Variants in UNK observed in about 807,000 individuals in gnomAD.
UNK encodes the protein unk zinc finger.
UNK carries 32 observed loss-of-function variants against 97.6 expected under a neutral mutation model. That is an observed-to-expected ratio of 0.33 (90% CI 0.25 to 0.44). UNK has a LOEUF of 0.44. Among genes scored for constraint, UNK ranks in the 20% least tolerant of loss-of-function variants. The probability of loss-of-function intolerance (pLI) is 1.00; values close to 1 mark genes in which losing one functional copy is unlikely to be tolerated. For missense variants in UNK, 771 were observed against 1,098.4 expected (o/e 0.70, Z 4.21); for synonymous variants, 441 against 461.2 (o/e 0.96, Z 0.56).
At chr17:75,809,656 C>G (rs1486331402) in intron 1 of UNK, 104 bp from the exon 2 acceptor site, 2 of 1,277,194 alleles carry the variant, frequency 1.6e-6, no homozygotes, top group African/African-American at 1.5e-5. Flanking sequence ...GAACTAGCAC[C>G]CCAGAGCAGG....
intron 1 of UNK, among the ~76,000 whole-genome samples, 175 bp from the exon 2 acceptor site, chr17:75,809,585 G>C (rs2061949935): frequency 6.6e-6 from 1 of 152,212 alleles, no homozygotes; most frequent in East Asian, 1.9e-4. Flanking sequence ...TGGGGTGTTG[G>C]TTTGGATCCT....
chr17:75,795,927 G>A (rs909030237), intron 1 of UNK, among the ~76,000 whole-genome samples: 3 of 152,164 alleles, frequency 2.0e-5, no homozygotes, highest in Non-Finnish European at 4.4e-5. Flanking sequence ...TGAAAAGTGG[G>A]CTGAAATAAT....
rs113278239 is a variant in UNK at position 75,818,151 on chromosome 17, C to G, written c.1354C>G (p.Leu452Val). Residue 452 changes from leucine (L) to valine (V), a missense_variant, in exon 10 of 16, where the codon CTG becomes GTG. Coordinates refer to ENST00000589666, the MANE Select transcript of UNK (RefSeq NM_001080419.3). The surrounding 1 kb of genome is among the most constrained non-coding windows in gnomAD (Gnocchi z 5.1). ...SLEPRSQEQPLLQPKQDMLGI... is the reference protein window; with the variant it reads ...SLEPRSQEQPVLQPKQDMLGI... Reference sequence around the variant, plus strand: ...AGAGCCCAGGAGTCAAGAGCAGCCTCTGCTTCAGCCCAAACAGGTATAGAG... The same window carrying G: ...AGAGCCCAGGAGTCAAGAGCAGCCTGTGCTTCAGCCCAAACAGGTATAGAG... 6 of 1,613,534 alleles carry G rather than the reference C, an allele frequency of 3.7e-6. No homozygotes were observed. In the South Asian group the frequency reaches 6.6e-5, roughly 18 times the overall value.
chr17:75,808,469 A>G (rs1398783407), intron 1 of UNK, among the ~76,000 whole-genome samples: 1 of 151,946 alleles, frequency 6.6e-6, no homozygotes, highest in Non-Finnish European at 1.5e-5. Flanking sequence ...ACGCACATCC[A>G]CGAAGGTACT....
intron 1 of UNK, among the ~76,000 whole-genome samples, chr17:75,787,944 T>C (rs763182173): frequency 1.8e-4 from 27 of 151,952 alleles, no homozygotes; most frequent in Non-Finnish European, 2.6e-4. Context: ...CATACCACCA[T>C]ACCTGCTTCC....
intron 1 of UNK, among the ~76,000 whole-genome samples, chr17:75,788,702 G>A (rs1487553408): frequency 6.8e-6 from 1 of 148,006 alleles, no homozygotes; most frequent in Non-Finnish European, 1.5e-5. Context: ...TTGTCACCCA[G>A]GTTGGTTGGA....
At position 75,812,534 on chromosome 17, in the gene UNK, G is replaced by C; in HGVS notation, c.571G>C (p.Ala191Pro). The change falls in exon 4 of 16, where the codon GCG (alanine) becomes CCG (proline). Residue 191 changes from alanine (A) to proline (P), a missense_variant. By Grantham distance (27) the Ala-to-Pro change is conservative. Around this residue, in one of 5 missense-constraint regions of UNK, gnomAD observed 246 missense variants for 440.7 expected, o/e 0.56. Coordinates refer to ENST00000589666, the MANE Select transcript of UNK (RefSeq NM_001080419.3). ...GSIEGQSAGA[A>P]SHAMIEKILS... ...CATAGAGGGCCAGTCGGCTGGGGCT[G>C]CGAGCCATGCCATGATAGAAAAGAT... The C allele has an allele frequency of 6.2e-7, 1 of 1,612,948 alleles. No homozygotes were observed. The highest frequency in any genetic ancestry group is 8.5e-7 in the Non-Finnish European group (1 of 1,179,826).
At chr17:75,792,582 T>G in intron 1 of UNK, 8 of 701,968 alleles carry the variant, frequency 1.1e-5, no homozygotes, top group Non-Finnish European at 1.4e-5. Context: ...CAATGTAGCT[T>G]CTTGTTTTCT....
At chr17:75,793,083 A>G (rs905455546) in intron 1 of UNK, among the ~76,000 whole-genome samples, 2 of 152,214 alleles carry the variant, frequency 1.3e-5, no homozygotes, top group Non-Finnish European at 2.9e-5. Context: ...TATTCAGAAA[A>G]CAAGTTTGAG....
At chr17:75,809,434 T>C (rs1402694512) in intron 1 of UNK, among the ~76,000 whole-genome samples, 1 of 152,194 alleles carries the variant, frequency 6.6e-6, no homozygotes, top group Non-Finnish European at 1.5e-5. Flanking sequence ...TGCCTGTGAT[T>C]AGTGGTTTGG....
At chr17:75,790,284 C>T (rs751750452) in intron 1 of UNK, among the ~76,000 whole-genome samples, 1 of 151,668 alleles carries the variant, frequency 6.6e-6, no homozygotes, top group Non-Finnish European at 1.5e-5. Context: ...ACAACAGAGC[C>T]AGACTCCATC....
In UNK at chr17:75,820,091, C is replaced by G. The variant is rs2062053464; in HGVS notation, c.1820C>G (p.Ala607Gly). 1 of 1,611,656 alleles carries G rather than the reference C, an allele frequency of 6.2e-7. No homozygotes were observed. The highest frequency in any genetic ancestry group is 1.3e-5 in the African/African-American group (1 of 74,932). Residue 607 changes from alanine (A) to glycine (G), a missense_variant, in exon 13 of 16, where the codon GCA becomes GGA. Around this residue, in one of 5 missense-constraint regions of UNK, gnomAD observed 91 missense variants for 173.1 expected, o/e 0.53. Transcript: ENST00000589666. ...QSENTFLGTSASHGSLGLNGM... is the reference protein window; with the variant it reads ...QSENTFLGTSGSHGSLGLNGM... ...GAAAACACATTTTTGGGAACCTCAG[C>G]ATCACATGGATCTTTGGGTAAGAGA...
intron 1 of UNK, among the ~76,000 whole-genome samples, chr17:75,805,810 A>ATTGTG (rs368975341): frequency 2.1e-5 from 3 of 145,294 alleles, no homozygotes; most frequent in East Asian, 2.1e-4. Context: ...AAAAAGAAAA[A>ATTGTG]TGTGTGTGTG....
chr17:75,790,091 C>T (rs2061750212), intron 1 of UNK, among the ~76,000 whole-genome samples: 1 of 152,024 alleles, frequency 6.6e-6, no homozygotes, highest in South Asian at 2.1e-4. Context: ...TGCAGTGAGC[C>T]GAGATCGCGC....
chr17:75,794,830 G>C (rs2061791787), intron 1 of UNK, among the ~76,000 whole-genome samples: 1 of 152,142 alleles, frequency 6.6e-6, no homozygotes, highest in Non-Finnish European at 1.5e-5. Flanking sequence ...GTTGTTATAA[G>C]GGTGAAATAA....
rs1371175531 is a variant in UNK, at chr17:75,824,541, T to C, written c.*124T>C. 2 of 752,696 alleles carry C rather than the reference T, an allele frequency of 2.7e-6. No individual in the cohort carries two copies. The highest frequency in any genetic ancestry group is 3.4e-6 in the Non-Finnish European group (2 of 584,506). The allele number at this position is 752,696 out of a possible 1,614,324, so 46.6% of individuals were successfully genotyped here. A position where few individuals can be genotyped will look rare whatever the true frequency, so the allele number is the denominator to read the frequency against. On this transcript the variant is annotated 3_prime_UTR_variant, in exon 16 of 16. Coordinates refer to ENST00000589666, the MANE Select transcript of UNK (RefSeq NM_001080419.3). The surrounding 1 kb of genome is among the most constrained non-coding windows in gnomAD (Gnocchi z 4.9). The stretch of plus-strand genomic sequence containing the variant: ...ATGTATATGTATATGATTATGTATA[T>C]GTATACATTTCCGTATGTATGTATA...
chr17:75,792,970 G>A (rs1314554753), intron 1 of UNK, among the ~76,000 whole-genome samples: 1 of 152,228 alleles, frequency 6.6e-6, no homozygotes, highest in African/African-American at 2.4e-5. Context: ...GCTCCTTGGT[G>A]CCCTTTTCCC....
In UNK at chr17:75,817,300, C is replaced by A; in HGVS notation, c.1105-26C>A. On this transcript the variant is annotated intron_variant, in intron 8 of 15. Transcript: ENST00000589666. This position sits in a 1 kb window ranked among gnomAD's most constrained non-coding sequence, Gnocchi z 5.8. ...ACCAGCCTGCGCTGTGCCCACGGGCCCACTCCCTCCCCTCCTTCTCCGCAG... is the reference window on the plus strand; with the variant it reads ...ACCAGCCTGCGCTGTGCCCACGGGCACACTCCCTCCCCTCCTTCTCCGCAG... The A allele has an allele frequency of 6.5e-7, 1 of 1,542,864 alleles. No individual in the cohort carries two copies. Among genetic ancestry groups the A allele is most frequent in the Non-Finnish European group, 8.7e-7 (1 of 1,143,072 alleles).
intron 1 of UNK, among the ~76,000 whole-genome samples, chr17:75,788,074 G>C (rs2061729504): frequency 6.6e-6 from 1 of 152,052 alleles, no homozygotes; most frequent in Admixed American, 6.6e-5. Context: ...GGTACACATG[G>C]ACATACGGAG....
Sources: allele counts gnomAD v4.1 joint callset (sites outside exome capture counted in the v4.1 genomes callset), GRCh38; gene constraint gnomAD v4.1.1; regional missense constraint gnomAD v4.1.1; non-coding constraint Gnocchi (gnomAD v3.1); transcripts MANE v1.5; gene names NCBI Gene and HGNC (gene_info 2026-07-23, HGNC 2026-07-21).